Variants in MATN3 observed in about 807,000 individuals in gnomAD.
MATN3 encodes the protein matrilin-3.
In MATN3, 48 loss-of-function variants were observed where a neutral mutation model predicts 45.3. The observed-to-expected ratio is 1.06, with a 90% CI of 0.84 to 1.35. The LOEUF (loss-of-function observed/expected upper bound fraction) is 1.35. Among genes scored for constraint, MATN3 ranks in the 40% most tolerant of loss-of-function variants. The pLI, the probability that MATN3 is intolerant of heterozygous loss-of-function variation, is 0.00. For missense variants in MATN3, 599 were observed against 628.0 expected (o/e 0.95, Z 0.49); for synonymous variants, 217 against 245.9 (o/e 0.88, Z 1.10).
chr2:19,994,427 A>G lies in MATN3; in HGVS notation c.1295-18T>C. Reference sequence around the variant, plus strand: ...CTCAGTGGCTGAAGACAATGACAGTACACAAATATACTATCTAGGAATAGC... The same window carrying G: ...CTCAGTGGCTGAAGACAATGACAGTGCACAAATATACTATCTAGGAATAGC... On this transcript the variant is annotated intron_variant, in intron 6 of 7. Transcript: ENST00000407540. The G allele has an allele frequency of 7.5e-7, 1 of 1,332,468 alleles. No homozygotes were observed. Among genetic ancestry groups the G allele is most frequent in the East Asian group, 2.3e-5 (1 of 43,426 alleles). The allele number at this position is 1,332,468 out of a possible 1,614,324, so 82.5% of individuals were successfully genotyped here.
intron 4 of MATN3, 117 bp downstream of exon 4, chr2:20,001,838 C>CAAAAA (rs1672989897): frequency 1.0e-6 from 1 of 961,210 alleles, no homozygotes; most frequent in Non-Finnish European, 1.6e-6. Flanking sequence ...GGGAAAAGCT[C>CAAAAA]AAGGTGGCAA....
At position 20,007,250 on chromosome 2, in the gene MATN3, G is replaced by A. The variant is rs116631149; in HGVS notation, c.224-940C>T. 7.6e-3 allele frequency among the ~76,000 whole-genome samples: 1,154 copies of A among 150,906 alleles called. 16 individuals are homozygous for A. Among genetic ancestry groups the A allele is most frequent in the African/African-American group, 0.026 (1,063 of 41,112 alleles). On this transcript the variant is annotated intron_variant, in intron 1 of 7. Coordinates refer to ENST00000407540, the MANE Select transcript of MATN3 (RefSeq NM_002381.5). The stretch of plus-strand genomic sequence containing the variant: ...AAAAAGTAAGTAGAAAGAGGGGCCC[G>A]GGCGCGGTGGCTCACGCCTGGTAAT...
rs2103486984 is a variant in MATN3 at position 20,012,270 on chromosome 2, C to T, written c.223+139G>A. 1 of 555,504 alleles carries T rather than the reference C, an allele frequency of 1.8e-6. No homozygotes were observed. Among genetic ancestry groups the T allele is most frequent in the Non-Finnish European group, 2.7e-6 (1 of 372,996 alleles). The allele number at this position is 555,504 out of a possible 1,614,324, so 34.4% of individuals were successfully genotyped here. A position where few individuals can be genotyped will look rare whatever the true frequency, so the allele number is the denominator to read the frequency against. On this transcript the variant is annotated intron_variant, in intron 1 of 7. Coordinates refer to ENST00000407540, the MANE Select transcript of MATN3 (RefSeq NM_002381.5). The surrounding 1 kb of genome is among the most constrained non-coding windows in gnomAD (Gnocchi z 4.3). ...CCTCCCCTTCTCTGGACCTCAGTTT[C>T]CCCCACAGGATTCATCCGGGAGGGG...
At position 19,995,282 on chromosome 2, in the gene MATN3, G is replaced by A. The variant is rs570655168; in HGVS notation, c.1295-873C>T. ...AGCCTGGACAACATAGTGAAACCCC[G>A]TCTCTAATAAAGACACAAAAATTAG... On this transcript the variant is annotated intron_variant, in intron 6 of 7. Transcript: ENST00000407540. This position sits in a 1 kb window ranked among gnomAD's most constrained non-coding sequence, Gnocchi z 4.2. Among the ~76,000 whole-genome samples the A allele has an allele frequency of 1.1e-4, 17 of 151,858 alleles. No individual in the cohort carries two copies. The highest frequency in any genetic ancestry group is 4.2e-4 in the South Asian group (2 of 4,800).
intron 5 of MATN3, among the ~76,000 whole-genome samples, chr2:19,998,305 G>A (rs10178256): frequency 0.57 from 86,612 of 151,798 alleles, 25,532 homozygotes; most frequent in African/African-American, 0.72. Flanking sequence ...CTCTACAGGT[G>A]GCAAATGGAC....
In MATN3 at chr2:19,992,667, G is replaced by A. The variant is rs1437351121; in HGVS notation, c.*444C>T. On this transcript the variant is annotated 3_prime_UTR_variant, in exon 8 of 8. Coordinates refer to ENST00000407540, the MANE Select transcript of MATN3 (RefSeq NM_002381.5). ...AAAATTACATTCATCTCAGTTATATGAAGTTGTATGTGTAAATACCTTGTA... is the reference window on the plus strand; with the variant it reads ...AAAATTACATTCATCTCAGTTATATAAAGTTGTATGTGTAAATACCTTGTA... 1 of 162,826 alleles carries A rather than the reference G, an allele frequency of 6.1e-6. No homozygotes were observed. The highest frequency in any genetic ancestry group is 1.9e-4 in the East Asian group (1 of 5,306). The allele number at this position is 162,826 out of a possible 1,614,324, so 10.1% of individuals were successfully genotyped here. A position where few individuals can be genotyped will look rare whatever the true frequency, so the allele number is the denominator to read the frequency against.
At chr2:20,005,452 AG>A (rs1479266285) in intron 2 of MATN3, among the ~76,000 whole-genome samples, 1 of 152,184 alleles carries the variant, frequency 6.6e-6, no homozygotes, top group Non-Finnish European at 1.5e-5. Context: ...AGGGAACAGC[AG>A]GGTCATTTAT....
intron 2 of MATN3, among the ~76,000 whole-genome samples, chr2:20,005,384 G>A (rs754920357): frequency 6.6e-6 from 1 of 152,168 alleles, no homozygotes; most frequent in African/African-American, 2.4e-5. Context: ...AAAAAATGTA[G>A]TGGTGGGGCA....
At chr2:20,008,771 A>T (rs1673162586) in intron 1 of MATN3, among the ~76,000 whole-genome samples, 1 of 152,138 alleles carries the variant, frequency 6.6e-6, no homozygotes, top group Non-Finnish European at 1.5e-5. Context: ...CCTGACTCCC[A>T]GTCCCTGGGA....
intron 5 of MATN3, among the ~76,000 whole-genome samples, chr2:19,998,498 G>A (rs1459958323): frequency 2.6e-5 from 4 of 152,190 alleles, no homozygotes; most frequent in Non-Finnish European, 5.9e-5. Flanking sequence ...GCTCACACCT[G>A]TAATCCCAGC....
At position 20,012,635 on chromosome 2, in the gene MATN3, G is replaced by A; in HGVS notation, c.-4C>T. ...GCGCGGGGGCCGGGCGCGGCATGGT[G>A]GGCTCCGTGGGCCTGGTGGTGTCCG... On this transcript the variant is annotated 5_prime_UTR_variant, in exon 1 of 8. Coordinates refer to ENST00000407540, the MANE Select transcript of MATN3 (RefSeq NM_002381.5). The surrounding 1 kb of genome is among the most constrained non-coding windows in gnomAD (Gnocchi z 4.3). 1.7e-6 allele frequency: 2 copies of A among 1,197,724 alleles called. No individual in the cohort carries two copies. The highest frequency in any genetic ancestry group is 2.1e-6 in the Non-Finnish European group (2 of 961,558). 74.2% of individuals were successfully genotyped at this position (1,197,724 alleles called of 1,614,324 possible).
At chr2:20,003,508 T>C (rs1673031831) in intron 2 of MATN3, among the ~76,000 whole-genome samples, 1 of 152,248 alleles carries the variant, frequency 6.6e-6, no homozygotes, top group East Asian at 1.9e-4. Flanking sequence ...CTATATAGAC[T>C]TTCTCAAGGG....
Position 20,005,221 on chromosome 2 carries a change from T to C in MATN3, c.790+523A>G, listed in dbSNP as rs550440245. Among the ~76,000 whole-genome samples the C allele has an allele frequency of 3.9e-5, 6 of 152,262 alleles. No individual in the cohort carries two copies. The East Asian group carries it at 1.2e-3, about 29-fold the overall frequency. On this transcript the variant is annotated intron_variant, in intron 2 of 7. Coordinates refer to ENST00000407540, the MANE Select transcript of MATN3 (RefSeq NM_002381.5). ...CAGCCCAGTCTGAAAACCAGAGCAT[T>C]CACTAAATGCACACTCGGGCTGACG...
At chr2:20,002,148 C>A in intron 3 of MATN3, 68 bp from the exon 4 acceptor site, 1 of 1,081,276 alleles carries the variant, frequency 9.2e-7, no homozygotes, top group Admixed American at 2.2e-5. Context: ...GTGGGCCACG[C>A]CACTTACAGT....
intron 2 of MATN3, chr2:20,004,105 G>A (rs892999662): frequency 1.3e-5 from 2 of 152,154 alleles, no homozygotes; most frequent in Non-Finnish European, 2.9e-5. Context: ...CCCTCCTGTG[G>A]CAGGTAACCC....
intron 4 of MATN3, among the ~76,000 whole-genome samples, chr2:20,001,373 GTCTT>G (rs924966135): frequency 1.3e-5 from 2 of 152,134 alleles, no homozygotes; most frequent in African/African-American, 4.8e-5. Context: ...CACTTCCTAA[GTCTT>G]TCTTTGTCTT....
chr2:20,006,986 G>A (rs1053160521), intron 1 of MATN3, among the ~76,000 whole-genome samples: 1 of 152,334 alleles, frequency 6.6e-6, no homozygotes, highest in African/African-American at 2.4e-5. Flanking sequence ...GGGAGGCCAA[G>A]GCGGGCAAAT....
intron 4 of MATN3, among the ~76,000 whole-genome samples, chr2:20,001,052 C>T (rs2103481665): frequency 6.6e-6 from 1 of 152,300 alleles, no homozygotes; most frequent in East Asian, 1.9e-4. Context: ...ATTCAATGCA[C>T]TTTCCTCTCT....
intron 1 of MATN3, among the ~76,000 whole-genome samples, chr2:20,009,900 C>A (rs1673182491): frequency 6.6e-6 from 1 of 151,762 alleles, no homozygotes. Flanking sequence ...TAGGACCAAA[C>A]CAATGTATTT....
Sources: gnomAD v4.1 joint callset for allele counts (sites outside exome capture counted in the v4.1 genomes callset) on GRCh38, gnomAD v4.1.1 for gene constraint, Gnocchi (gnomAD v3.1) non-coding constraint, MANE v1.5 for transcripts, NCBI Gene and HGNC (gene_info 2026-07-23, HGNC 2026-07-21) for gene names.